Variants in DCAF4 observed in about 807,000 individuals in gnomAD.
DCAF4 encodes DDB1- and CUL4-associated factor 4.
DCAF4 carries 37 observed loss-of-function variants against 60.9 expected under a neutral mutation model. The observed-to-expected ratio is 0.61, with a 90% CI of 0.47 to 0.80. The LOEUF (loss-of-function observed/expected upper bound fraction) is 0.80. DCAF4 is among the 30% of genes least tolerant of loss of function. DCAF4 has a pLI of 0.00. For missense variants in DCAF4, 577 were observed against 650.0 expected (o/e 0.89, Z 1.22); for synonymous variants, 243 against 254.8 (o/e 0.95, Z 0.44).
intron 6 of DCAF4, among the ~76,000 whole-genome samples, chr14:72,945,033 A>C (rs895083999): frequency 6.6e-6 from 1 of 152,036 alleles, no homozygotes; most frequent in Non-Finnish European, 1.5e-5. Flanking sequence ...AGATTTCAGC[A>C]AGCTGAGGTG....
At chr14:72,962,007 C>T, downstream of DCAF4, 1 of 1,097,154 alleles carries the variant, frequency 9.1e-7, no homozygotes, top group Non-Finnish European at 1.1e-6. Context: ...AACAGCATCT[C>T]TTCCCTTCAT....
rs59287534 is a variant in DCAF4 at position 72,936,563 on chromosome 14, C to CAA, written c.-8-1393_-8-1392dup. On this transcript the variant is annotated intron_variant, in intron 1 of 13. Coordinates refer to ENST00000358377, the MANE Select transcript of DCAF4 (RefSeq NM_015604.4). ...TGGGCAACAGAGCGAGACTCCATCT[C>CAA]AAAAAAAAAAAAAAAATACACACAC... 2.0e-3 allele frequency among the ~76,000 whole-genome samples: 259 copies of CAA among 129,514 alleles called. 3 individuals are homozygous for CAA. The highest frequency in any genetic ancestry group is 8.7e-3 in the South Asian group (35 of 4,014). 85.0% of individuals were successfully genotyped at this position (129,514 alleles called of 152,430 possible).
intron 12 of DCAF4, among the ~76,000 whole-genome samples, chr14:72,955,914 C>CTTT (rs71109770): frequency 0.028 from 1,559 of 54,794 alleles, 152 homozygotes; most frequent in Non-Finnish European, 0.036. Context: ...TGGTTATGTC[C>CTTT]TTTTTTTTTT....
At chr14:72,952,321 T>TA (rs1210522437) in intron 9 of DCAF4, among the ~76,000 whole-genome samples, 1 of 152,144 alleles carries the variant, frequency 6.6e-6, no homozygotes. Flanking sequence ...AGAGGCCTCT[T>TA]AAGAGTGTGG....
chr14:72,928,658 T>C (rs1888053615), intron 1 of DCAF4, among the ~76,000 whole-genome samples: 2 of 151,770 alleles, frequency 1.3e-5, no homozygotes, highest in African/African-American at 4.9e-5. Context: ...AAGGGTTCAA[T>C]CCAGTGGGTT....
intron 9 of DCAF4, among the ~76,000 whole-genome samples, chr14:72,953,833 TAC>T (rs1322456716): frequency 7.8e-6 from 1 of 127,794 alleles, no homozygotes; most frequent in Non-Finnish European, 1.6e-5. Context: ...TGTGTGTATA[TAC>T]ACACACACTT....
intron 6 of DCAF4, 146 bp downstream of exon 6, chr14:72,943,242 C>T: frequency 1.4e-6 from 1 of 720,854 alleles, no homozygotes; most frequent in South Asian, 1.9e-5. Flanking sequence ...ACGATTTTAA[C>T]CTGCCTGCTG....
chr14:72,954,237 C>T lies in DCAF4; in HGVS notation c.882C>T (p.Ile294=), dbSNP rs371403617. ...GGTCCTGTGCCTGGTCCCTGAATAT[C>T]CAAGCAAATAACTGCTTCAGTACAG... The part of the protein sequence containing the change: ...GAWSCAWSLN[I]QANNCFSTGL... Residue 294 remains isoleucine (I), a synonymous_variant, in exon 10 of 14, where the codon ATC becomes ATT. Coordinates refer to ENST00000358377, the MANE Select transcript of DCAF4 (RefSeq NM_015604.4). 3.1e-5 allele frequency: 50 copies of T among 1,614,090 alleles called. No individual in the cohort carries two copies. Among genetic ancestry groups the T allele is most frequent in the Non-Finnish European group, 4.0e-5 (47 of 1,180,050 alleles).
downstream of DCAF4, chr14:72,960,539 C>T (rs1892778680): frequency 6.5e-6 from 6 of 929,282 alleles, no homozygotes; most frequent in South Asian, 4.0e-5. Flanking sequence ...GGGCAGTTTG[C>T]ACTGTGCCCC....
chr14:72,927,343 CTTTTTTTTTTTTTTT>C (rs547199942), intron 1 of DCAF4, among the ~76,000 whole-genome samples: 1 of 87,344 alleles, frequency 1.1e-5, no homozygotes, highest in Non-Finnish European at 2.2e-5. Flanking sequence ...CGGTGGTGTT[CTTTTTTTTTTTTTTT>C]TTTTTTTTTT....
chr14:72,946,299 G>T (rs979175889), intron 7 of DCAF4, among the ~76,000 whole-genome samples: 3 of 151,988 alleles, frequency 2.0e-5, no homozygotes, highest in African/African-American at 7.3e-5. Context: ...GGGGCTCGGG[G>T]GGAGGTGAGG....
chr14:72,942,458 C>T (rs182160475), intron 5 of DCAF4: 1 of 156,138 alleles, frequency 6.4e-6, no homozygotes, highest in East Asian at 1.9e-4. Context: ...GGGCACAGCC[C>T]TCGGACCTTG....
At chr14:72,953,732 A>AAAAATATATATATATATATATAT (rs1555527852) in intron 9 of DCAF4, among the ~76,000 whole-genome samples, 3 of 21,778 alleles carry the variant, frequency 1.4e-4, no homozygotes, top group Admixed American at 8.0e-4. Context: ...AAAAAAAAAA[A>AAAAATATATATATATATATATAT]ATATATATAT....
chr14:72,945,980 A>T lies in DCAF4; in HGVS notation c.631A>T (p.Thr211Ser). The change falls in exon 7 of 14, where the codon ACG (threonine) becomes TCG (serine). Residue 211 changes from threonine (T) to serine (S), a missense_variant. Thr to Ser is a moderately conservative substitution (Grantham distance 58). Transcript: ENST00000358377. ...IINLQSLKTPTLKVFMHENLY... is the reference protein window; with the variant it reads ...IINLQSLKTPSLKVFMHENLY... The stretch of plus-strand genomic sequence containing the variant: ...CAACCTGCAAAGTCTGAAGACCCCT[A>T]CGCTCAAGGTGTTCATGCACGAAAA... The T allele has an allele frequency of 6.2e-6, 10 of 1,614,072 alleles. No individual in the cohort carries two copies. The highest frequency in any genetic ancestry group is 8.5e-6 in the Non-Finnish European group (10 of 1,180,008).
chr14:72,933,256 G>C (rs1888806752), intron 1 of DCAF4, among the ~76,000 whole-genome samples: 1 of 152,116 alleles, frequency 6.6e-6, no homozygotes, highest in African/African-American at 2.4e-5. Context: ...ATGCATACTG[G>C]GTTTTATATT....
rs150423665 is a variant in DCAF4, at chr14:72,946,667, G to A, written c.679-475G>A. 8.5e-4 allele frequency among the ~76,000 whole-genome samples: 130 copies of A among 152,286 alleles called. 1 individual carries two copies. The highest frequency in any genetic ancestry group is 1.9e-3 in the African/African-American group (80 of 41,560). On this transcript the variant is annotated intron_variant, in intron 7 of 13. Transcript: ENST00000358377. ...CCTGCCCTGTGTGTCAGAGTGATGC[G>A]TCATCCAGCCAGGCCGCAGCCAGCA...
At chr14:72,955,751 C>G in intron 12 of DCAF4, 55 bp downstream of exon 12, 1 of 1,520,678 alleles carries the variant, frequency 6.6e-7, no homozygotes. Flanking sequence ...AGTGCCCTGC[C>G]AGGTGAAAGG....
At chr14:72,940,069 A>T in intron 3 of DCAF4, 151 bp from the exon 4 acceptor site, 1 of 1,202,530 alleles carries the variant, frequency 8.3e-7, no homozygotes, top group Non-Finnish European at 1.2e-6. Flanking sequence ...AGGACTGAGC[A>T]CAGTCCAGGA....
At chr14:72,961,764 T>A (rs1473034364), downstream of DCAF4, 7 of 932,630 alleles carry the variant, frequency 7.5e-6, no homozygotes, top group African/African-American at 3.6e-5. Context: ...CTACACCTGG[T>A]TGGCATCCCA....
Sources: allele counts gnomAD v4.1 joint callset (sites outside exome capture counted in the v4.1 genomes callset), GRCh38; gene constraint gnomAD v4.1.1; transcripts MANE v1.5; gene names NCBI Gene and HGNC (gene_info 2026-07-23, HGNC 2026-07-21).